Variants in CA10 observed in about 807,000 individuals in gnomAD.
CA10 encodes the protein carbonic anhydrase 10 (inactive), also known as carbonic anhydrase-related protein 10.
A neutral mutation model predicts 44.2 loss-of-function variants in CA10; 14 were observed. The observed-to-expected ratio is 0.32, with a 90% CI of 0.21 to 0.50. The LOEUF (loss-of-function observed/expected upper bound fraction) is 0.50, where lower values mean the gene tolerates loss of function less well. Among genes scored for constraint, CA10 ranks in the 20% least tolerant of loss-of-function variants. CA10 has a pLI of 0.99. For missense variants in CA10, 350 were observed against 409.7 expected (o/e 0.85, Z 1.26); for synonymous variants, 159 against 141.6 (o/e 1.12, Z -0.87).
intron 3 of CA10, among the ~76,000 whole-genome samples, chr17:51,869,663 A>G (rs1255850415): frequency 6.6e-6 from 1 of 152,126 alleles, no homozygotes. Context: ...TGATCCCAGA[A>G]CTTTGGGAGG....
intron 2 of CA10, among the ~76,000 whole-genome samples, chr17:51,962,813 C>T (rs1182964634): frequency 3.9e-5 from 6 of 152,062 alleles, no homozygotes; most frequent in Non-Finnish European, 8.8e-5. Flanking sequence ...ATTAGAAGTC[C>T]TATTATCTCT....
chr17:51,729,608 CCTTTG>C, intron 4 of CA10, among the ~76,000 whole-genome samples: 2 of 152,314 alleles, frequency 1.3e-5, no homozygotes, highest in South Asian at 4.1e-4. Context: ...GCAATCAATT[CCTTTG>C]CTCCACGCTT....
intron 4 of CA10, among the ~76,000 whole-genome samples, chr17:51,719,776 C>G (rs1231496022): frequency 6.6e-6 from 1 of 152,132 alleles, no homozygotes; most frequent in Admixed American, 6.5e-5. Context: ...GTAATCCCAG[C>G]TACTCAGGAA....
chr17:51,993,277 G>A (rs1985109148), intron 2 of CA10, among the ~76,000 whole-genome samples: 1 of 152,070 alleles, frequency 6.6e-6, no homozygotes, highest in African/African-American at 2.4e-5. Flanking sequence ...TATGTATGAA[G>A]CACTGCTGAT....
chr17:51,651,661 C>T (rs1481143769), intron 5 of CA10, among the ~76,000 whole-genome samples: 13 of 152,202 alleles, frequency 8.5e-5, no homozygotes. Context: ...GCTTGTGAAA[C>T]ACACCAGTAA....
At chr17:51,826,613 T>G (rs991727482) in intron 3 of CA10, among the ~76,000 whole-genome samples, 1 of 152,032 alleles carries the variant, frequency 6.6e-6, no homozygotes, top group Non-Finnish European at 1.5e-5. Context: ...CCCTAGCTCC[T>G]GCCTCCACTC....
At chr17:52,150,372 G>A (rs1989677637) in intron 1 of CA10, among the ~76,000 whole-genome samples, 1 of 152,092 alleles carries the variant, frequency 6.6e-6, no homozygotes, top group Non-Finnish European at 1.5e-5. Context: ...ACATTCTGCT[G>A]TGACTACCAA....
chr17:51,661,702 T>A (rs1189716727), intron 4 of CA10: 1 of 152,190 alleles, frequency 6.6e-6, no homozygotes, highest in Non-Finnish European at 1.5e-5. Context: ...CGACATTGAG[T>A]CTGTTCTCCC....
At chr17:51,795,477 C>T (rs12453393) in intron 3 of CA10, among the ~76,000 whole-genome samples, 19,137 of 152,228 alleles carry the variant, frequency 0.13, 1,429 homozygotes, top group Middle Eastern at 0.17. Flanking sequence ...AAAGGAAACA[C>T]ATTTTTGGAA....
chr17:52,019,713 C>A (rs1986076029), intron 2 of CA10, among the ~76,000 whole-genome samples: 1 of 152,018 alleles, frequency 6.6e-6, no homozygotes, highest in African/African-American at 2.4e-5. Context: ...ACATTACCAG[C>A]ATCCCAGAAG....
rs1913663130 is a variant in CA10, at chr17:51,653,653, A to G, written c.549T>C (p.Ser183=). ...AKSPNGLVVV[S]IFIKVSDSSN... is the part of the protein sequence containing the mutation. Reference sequence around the variant, plus strand: ...GCAAGAGACTTACTTTTATAAATATAGAAACTACCACCAATCCATTTGGAC... The same window carrying G: ...GCAAGAGACTTACTTTTATAAATATGGAAACTACCACCAATCCATTTGGAC... Residue 183 remains serine, a synonymous_variant, in exon 5 of 9, where the codon TCT becomes TCC. Transcript: ENST00000451037. 5 of 1,572,240 alleles carry G rather than the reference A, an allele frequency of 3.2e-6. No homozygotes were observed. Among genetic ancestry groups the G allele is most frequent in the East Asian group, 2.2e-5 (1 of 44,636 alleles).
chr17:51,752,515 T>A (rs1904923753), intron 3 of CA10, among the ~76,000 whole-genome samples: 2 of 152,076 alleles, frequency 1.3e-5, no homozygotes, highest in African/African-American at 4.8e-5. Flanking sequence ...CTGGTGAAGG[T>A]TCAGTAACTT....
chr17:51,720,051 G>GTGATAATAATACTAAGAT (rs1290692505), intron 4 of CA10, among the ~76,000 whole-genome samples: 1 of 152,100 alleles, frequency 6.6e-6, no homozygotes, highest in Non-Finnish European at 1.5e-5. Context: ...AATACTAAGA[G>GTGATAATAATACTAAGAT]TAATAATAAT....
At chr17:51,831,479 T>C (rs1379685289) in intron 3 of CA10, among the ~76,000 whole-genome samples, 1 of 152,162 alleles carries the variant, frequency 6.6e-6, no homozygotes. Flanking sequence ...ATTCAGCCTC[T>C]ATCTTCCCAT....
chr17:52,152,874 T>C (rs897108739), intron 1 of CA10, among the ~76,000 whole-genome samples: 26 of 152,200 alleles, frequency 1.7e-4, no homozygotes, highest in African/African-American at 6.3e-4. Context: ...CAGATGAGGA[T>C]TGAGATTCTG....
chr17:51,941,844 A>C (rs938591504), intron 2 of CA10, among the ~76,000 whole-genome samples: 5 of 152,176 alleles, frequency 3.3e-5, no homozygotes, highest in African/African-American at 1.2e-4. Flanking sequence ...GCACTTCTAA[A>C]ATCCTGCAAA....
At chr17:51,992,220 G>A (rs1006443332) in intron 2 of CA10, among the ~76,000 whole-genome samples, 1 of 152,046 alleles carries the variant, frequency 6.6e-6, no homozygotes, top group Non-Finnish European at 1.5e-5. Context: ...ATAAAAAAAA[G>A]GAGTTACAAT....
chr17:51,847,692 C>A (rs1260078911), intron 3 of CA10, among the ~76,000 whole-genome samples: 3 of 152,150 alleles, frequency 2.0e-5, no homozygotes, highest in Non-Finnish European at 4.4e-5. Flanking sequence ...GGTATTTGTG[C>A]AGCATGCTGG....
intron 3 of CA10, among the ~76,000 whole-genome samples, chr17:51,899,698 T>C (rs763761083): frequency 6.6e-6 from 1 of 152,152 alleles, no homozygotes; most frequent in Non-Finnish European, 1.5e-5. Flanking sequence ...CTTTTAGGTC[T>C]CTAAGAACTT....
Sources: gnomAD v4.1 joint callset for allele counts (sites outside exome capture counted in the v4.1 genomes callset) on GRCh38, gnomAD v4.1.1 for gene constraint, MANE v1.5 for transcripts, NCBI Gene and HGNC (gene_info 2026-07-23, HGNC 2026-07-21) for gene names.